Variants in TEC observed in about 807,000 individuals in gnomAD.
The protein encoded by TEC is tyrosine-protein kinase Tec.
Under a neutral mutation model 93.0 loss-of-function variants are expected in TEC, and 72 were observed. The ratio of observed to expected loss-of-function variants is 0.77; its 90% CI spans 0.64 to 0.94. The LOEUF is 0.94. Ranked by LOEUF, TEC falls within the 40% of genes least tolerant of loss-of-function variation. The pLI, the probability that TEC is intolerant of heterozygous loss-of-function variation, is 0.00. For synonymous variants in TEC, 249 were observed against 247.7 expected, an observed-to-expected ratio of 1.01 and a Z score of -0.05; for missense variants, 630 against 757.9, an observed-to-expected ratio of 0.83 and a Z score of 1.98.
chr4:48,158,361 C>T (rs546004560), intron 8 of TEC, among the ~76,000 whole-genome samples: 1 of 152,186 alleles, frequency 6.6e-6, no homozygotes, highest in African/African-American at 2.4e-5. Context: ...TTGCAAACAT[C>T]TCATTACATG....
At chr4:48,179,356 ATATATATATATATATATATATTT>A (rs1721473165) in intron 2 of TEC, among the ~76,000 whole-genome samples, 1 of 34,502 alleles carries the variant, frequency 2.9e-5, no homozygotes, top group African/African-American at 1.2e-4. Flanking sequence ...ATATATATAT[ATATATATATATATATATATATTT>A]TTTTTTTTTT....
chr4:48,169,628 A>T lies in TEC; in HGVS notation c.454+620T>A, dbSNP rs1271198396. Reference sequence around the variant, plus strand: ...AGTGAGCATTCTGCATGGCACCAGCAGGAAACGGTATATCCAATCATTACT... The same window carrying T: ...AGTGAGCATTCTGCATGGCACCAGCTGGAAACGGTATATCCAATCATTACT... On this transcript the variant is annotated intron_variant, in intron 5 of 17. Transcript: ENST00000381501. 1.1e-4 allele frequency among the ~76,000 whole-genome samples: 17 copies of T among 152,308 alleles called. No homozygotes were observed. The East Asian group carries it at 2.7e-3, about 24-fold the overall frequency.
intron 1 of TEC, among the ~76,000 whole-genome samples, chr4:48,233,701 A>C (rs1723705023): frequency 6.6e-6 from 1 of 152,058 alleles, no homozygotes; most frequent in African/African-American, 2.4e-5. Context: ...AGGTCAAGAC[A>C]CAGCCAAAAT....
At chr4:48,215,013 C>T (rs1197694985) in intron 2 of TEC, among the ~76,000 whole-genome samples, 6 of 151,910 alleles carry the variant, frequency 3.9e-5, no homozygotes, top group African/African-American at 1.2e-4. Flanking sequence ...ATTAGCCAGG[C>T]GAGGTGGATC....
rs1389022275 is a variant in TEC, at chr4:48,227,364, C to T, written c.138+1113G>A. 2.6e-5 allele frequency among the ~76,000 whole-genome samples: 4 copies of T among 152,150 alleles called. No individual in the cohort carries two copies. In the East Asian group the frequency reaches 7.7e-4, roughly 29 times the overall value. Reference sequence around the variant, plus strand: ...AACAGAATGAAAACTAAACCAGGGCCGGGTGCAGTGGCTCATGCCTGTAAT... The same window carrying T: ...AACAGAATGAAAACTAAACCAGGGCTGGGTGCAGTGGCTCATGCCTGTAAT... On this transcript the variant is annotated intron_variant, in intron 2 of 17. Coordinates refer to ENST00000381501, the MANE Select transcript of TEC (RefSeq NM_003215.3).
intron 2 of TEC, among the ~76,000 whole-genome samples, chr4:48,202,072 T>A (rs1270038872): frequency 6.7e-6 from 1 of 150,258 alleles, no homozygotes; most frequent in South Asian, 2.1e-4. Context: ...TTCTCCTGCC[T>A]CAGCCTCCCG....
At chr4:48,217,695 C>T (rs1723126440) in intron 2 of TEC, among the ~76,000 whole-genome samples, 1 of 151,696 alleles carries the variant, frequency 6.6e-6, no homozygotes, top group South Asian at 2.1e-4. Context: ...TCTTGACCAA[C>T]TGAATGCAAT....
chr4:48,139,614 T>C (rs2109500418), intron 15 of TEC, among the ~76,000 whole-genome samples: 1 of 152,348 alleles, frequency 6.6e-6, no homozygotes, highest in Non-Finnish European at 1.5e-5. Flanking sequence ...TACTATATAA[T>C]TTTTCTATGT....
At chr4:48,182,715 C>A (rs937608358) in intron 2 of TEC, among the ~76,000 whole-genome samples, 1 of 152,070 alleles carries the variant, frequency 6.6e-6, no homozygotes, top group African/African-American at 2.4e-5. Context: ...TGGCAGAACT[C>A]GGAGTTAGAT....
chr4:48,253,984 C>A (rs764768843), intron 1 of TEC, among the ~76,000 whole-genome samples: 4 of 152,108 alleles, frequency 2.6e-5, no homozygotes, highest in African/African-American at 9.7e-5. Context: ...TGTATCTGCT[C>A]GAGTTGTTCT....
At chr4:48,231,791 A>G (rs1352637754) in intron 1 of TEC, among the ~76,000 whole-genome samples, 2 of 152,168 alleles carry the variant, frequency 1.3e-5, no homozygotes, top group East Asian at 3.9e-4. Context: ...ACCAGGGAAG[A>G]GCAAGCGATG....
chr4:48,269,543 C>G (rs1401476797), intron 1 of TEC, among the ~76,000 whole-genome samples: 2 of 152,262 alleles, frequency 1.3e-5, no homozygotes, highest in African/African-American at 4.8e-5. Context: ...TGCGCCACTG[C>G]GCGCACCTGT....
intron 9 of TEC, among the ~76,000 whole-genome samples, chr4:48,152,562 A>C: frequency 6.6e-6 from 1 of 152,216 alleles, no homozygotes; most frequent in East Asian, 1.9e-4. Context: ...TCATCGAAAC[A>C]GTCCTATTAC....
At chr4:48,236,013 G>T (rs1723773412) in intron 1 of TEC, among the ~76,000 whole-genome samples, 1 of 152,138 alleles carries the variant, frequency 6.6e-6, no homozygotes, top group East Asian at 1.9e-4. Flanking sequence ...GAAGGAAAAA[G>T]TTTAATGAGG....
chr4:48,153,996 A>G (rs540032922), intron 9 of TEC, among the ~76,000 whole-genome samples: 1 of 152,366 alleles, frequency 6.6e-6, no homozygotes, highest in South Asian at 2.1e-4. Flanking sequence ...ATCTATGCTC[A>G]GGTTTTCATG....
chr4:48,210,577 C>T lies in TEC; in HGVS notation c.138+17900G>A, dbSNP rs555315792. Among the ~76,000 whole-genome samples, 3 of 152,212 alleles carry T rather than the reference C, an allele frequency of 2.0e-5. No homozygotes were observed. In the South Asian group the frequency reaches 6.2e-4, roughly 32 times the overall value. Reference sequence around the variant, plus strand: ...AAAAACTAAAACTGAGAAAGCAACACCACAGTTACCACAACTGGCACCCTA... The same window carrying T: ...AAAAACTAAAACTGAGAAAGCAACATCACAGTTACCACAACTGGCACCCTA... On this transcript the variant is annotated intron_variant, in intron 2 of 17. Transcript: ENST00000381501.
At chr4:48,154,974 A>G (rs1026920715) in intron 9 of TEC, among the ~76,000 whole-genome samples, 6 of 152,204 alleles carry the variant, frequency 3.9e-5, no homozygotes, top group African/African-American at 1.4e-4. Context: ...GGCAAAACTG[A>G]AGCAGGTTAA....
intron 2 of TEC, among the ~76,000 whole-genome samples, chr4:48,226,911 A>G (rs1342233480): frequency 6.6e-6 from 1 of 152,220 alleles, no homozygotes; most frequent in Non-Finnish European, 1.5e-5. Flanking sequence ...TCTTGTCTAA[A>G]ACACTTCTGG....
rs756617928 is a variant in TEC at position 48,168,588 on chromosome 4, T to C, written c.493A>G (p.Lys165Glu). 1 of 1,608,918 alleles carries C rather than the reference T, an allele frequency of 6.2e-7. No individual in the cohort carries two copies. The change falls in exon 6 of 18, where the codon AAG (lysine) becomes GAG (glutamate). Residue 165 changes from lysine to glutamate, a missense_variant and splice_region_variant. By Grantham distance (56) the Lys-to-Glu change is moderately conservative. Transcript: ENST00000381501. Reference sequence around the variant, plus strand: ...ATCAAAAGCTAAAGACCACCTACCTTCTTTGTTTCTGGTGCTGGAGGTAGT... The same window carrying C: ...ATCAAAAGCTAAAGACCACCTACCTCCTTTGTTTCTGGTGCTGGAGGTAGT... Reference protein sequence around the residue: ...KALPPAPETKKRRPPPPIPLE... With the variant: ...KALPPAPETKERRPPPPIPLE...
Sources: allele counts gnomAD v4.1 joint callset (sites outside exome capture counted in the v4.1 genomes callset), GRCh38; gene constraint gnomAD v4.1.1; transcripts MANE v1.5; gene names NCBI Gene and HGNC (gene_info 2026-07-23, HGNC 2026-07-21).